The following AUTS2 variants were observed in gnomAD, a reference collection of about 807,000 sequenced individuals.
AUTS2 encodes autism susceptibility gene 2 protein.
Under a neutral mutation model 112.4 loss-of-function variants are expected in AUTS2, and 17 were observed. The ratio of observed to expected loss-of-function variants is 0.15; its 90% CI spans 0.10 to 0.23. AUTS2 has a LOEUF of 0.23. AUTS2 is among the 10% of genes least tolerant of loss of function. The pLI is 1.00. For synonymous variants in AUTS2, 751 were observed against 702.7 expected, an observed-to-expected ratio of 1.07 and a Z score of -1.09; for missense variants, 1,510 against 1,701.6, an observed-to-expected ratio of 0.89 and a Z score of 1.98.
chr7:70,301,012 T>C (rs932084425), intron 4 of AUTS2, among the ~76,000 whole-genome samples: 10 of 152,226 alleles, frequency 6.6e-5, no homozygotes, highest in African/African-American at 2.4e-4. Context: ...ACTTGCCCTC[T>C]AAGACCTTTT....
At chr7:70,462,332 A>G (rs1161903175) in intron 5 of AUTS2, among the ~76,000 whole-genome samples, 1 of 152,196 alleles carries the variant, frequency 6.6e-6, no homozygotes, top group African/African-American at 2.4e-5. Context: ...GAAAAAAGCA[A>G]TTAAAAAGAA....
At chr7:70,316,583 A>G (rs918367310) in intron 4 of AUTS2, among the ~76,000 whole-genome samples, 4 of 151,800 alleles carry the variant, frequency 2.6e-5, no homozygotes, top group Non-Finnish European at 5.9e-5. Context: ...TATTTTTAGT[A>G]GAGCTGAGTT....
At chr7:70,404,841 G>C (rs1794466523) in intron 4 of AUTS2, among the ~76,000 whole-genome samples, 1 of 152,146 alleles carries the variant, frequency 6.6e-6, no homozygotes, top group Admixed American at 6.6e-5. Flanking sequence ...ACAGAAATGG[G>C]TTTCATAAGC....
At chr7:70,617,696 T>A (rs941774107) in intron 5 of AUTS2, among the ~76,000 whole-genome samples, 20 of 151,690 alleles carry the variant, frequency 1.3e-4, no homozygotes, top group Admixed American at 4.6e-4. Flanking sequence ...GAGGGATTCC[T>A]AAGAAAGTGA....
At chr7:69,671,223 C>G (rs1193202288) in intron 1 of AUTS2, among the ~76,000 whole-genome samples, 3 of 152,114 alleles carry the variant, frequency 2.0e-5, no homozygotes, top group Non-Finnish European at 2.9e-5. Context: ...TAAAAGGATT[C>G]TGATGGAGAA....
At chr7:70,383,696 C>T (rs560973822) in intron 4 of AUTS2, among the ~76,000 whole-genome samples, 2 of 152,302 alleles carry the variant, frequency 1.3e-5, no homozygotes, top group African/African-American at 2.4e-5. Flanking sequence ...GGTGAAAAGC[C>T]TGCCTCTCTG....
intron 4 of AUTS2, among the ~76,000 whole-genome samples, chr7:70,242,513 T>C (rs1812671221): frequency 6.6e-6 from 1 of 152,352 alleles, no homozygotes; most frequent in Admixed American, 6.5e-5. Flanking sequence ...ACAAATTAAA[T>C]ATGAATACTC....
intron 4 of AUTS2, among the ~76,000 whole-genome samples, chr7:70,398,336 CTG>C (rs1794176348): frequency 6.6e-6 from 1 of 152,182 alleles, no homozygotes. Context: ...ATAGCTCACT[CTG>C]AGGAGAATTA....
chr7:70,208,465 CT>C (rs1219771191), intron 4 of AUTS2, among the ~76,000 whole-genome samples: 6 of 151,970 alleles, frequency 3.9e-5, no homozygotes, highest in Non-Finnish European at 4.4e-5. Flanking sequence ...GCATGTCATC[CT>C]TTGTGTGTTG....
At chr7:70,230,021 T>C (rs749761527) in intron 4 of AUTS2, among the ~76,000 whole-genome samples, 5 of 152,220 alleles carry the variant, frequency 3.3e-5, no homozygotes, top group Non-Finnish European at 5.9e-5. Context: ...AATGTGTTTA[T>C]AACAGCTGAT....
chr7:70,148,330 GA>G (rs1271935169), intron 4 of AUTS2, among the ~76,000 whole-genome samples: 2 of 151,920 alleles, frequency 1.3e-5, no homozygotes, highest in African/African-American at 2.4e-5. Context: ...AATAGCTTAA[GA>G]AAAAAGAGAG....
chr7:70,716,000 C>T (rs1325419347), intron 6 of AUTS2, among the ~76,000 whole-genome samples: 1 of 152,226 alleles, frequency 6.6e-6, no homozygotes, highest in African/African-American at 2.4e-5. Context: ...TCCTGAGAAT[C>T]TTAAGTGACT....
Position 70,085,206 on chromosome 7 carries a change from C to T in AUTS2, c.523-32926C>T, listed in dbSNP as rs142761551. On this transcript the variant is annotated intron_variant, in intron 2 of 18. Transcript: ENST00000342771. Reference sequence around the variant, plus strand: ...TTTTTATGGGTCATCCTTTTGGTGTCATATCTAAGAAATTATTTACATACC... The same window carrying T: ...TTTTTATGGGTCATCCTTTTGGTGTTATATCTAAGAAATTATTTACATACC... Among the ~76,000 whole-genome samples, 95 of 152,182 alleles carry T rather than the reference C, an allele frequency of 6.2e-4. 1 individual carries two copies. The highest frequency in any genetic ancestry group is 1.7e-3 in the Admixed American group (26 of 15,274).
At chr7:70,499,818 C>T (rs189537111) in intron 5 of AUTS2, among the ~76,000 whole-genome samples, 207 of 152,280 alleles carry the variant, frequency 1.4e-3, no homozygotes, top group African/African-American at 4.8e-3. Context: ...AGTCTGCAGG[C>T]TCCCAGATGT....
chr7:69,897,146 A>T lies in AUTS2; in HGVS notation c.310-2140A>T, dbSNP rs553400525. On this transcript the variant is annotated intron_variant, in intron 1 of 18. Coordinates refer to ENST00000342771, the MANE Select transcript of AUTS2 (RefSeq NM_015570.4). The stretch of plus-strand genomic sequence containing the variant: ...GTTGAATGAGTGAAGACCTGAGAAT[A>T]GAGTACTTTGTATTACAAGAAAGGT... 2.0e-5 allele frequency among the ~76,000 whole-genome samples: 3 copies of T among 152,308 alleles called. No individual in the cohort carries two copies. In the East Asian group the frequency reaches 5.8e-4, roughly 29 times the overall value.
chr7:70,073,262 G>A (rs981219621), intron 2 of AUTS2, among the ~76,000 whole-genome samples: 8 of 151,826 alleles, frequency 5.3e-5, no homozygotes, highest in African/African-American at 1.7e-4. Context: ...TGTAATCCCA[G>A]CACTTTGGGA....
chr7:69,847,161 T>C (rs1402296710), intron 1 of AUTS2, among the ~76,000 whole-genome samples: 1 of 152,212 alleles, frequency 6.6e-6, no homozygotes, highest in African/African-American at 2.4e-5. Context: ...CAAGCTGGCT[T>C]AATAGAACAT....
rs553719161 is a variant in AUTS2, at chr7:70,505,994, C to T, written c.690+70213C>T. Among the ~76,000 whole-genome samples the T allele has an allele frequency of 2.0e-5, 3 of 152,316 alleles. No individual in the cohort carries two copies. The East Asian group carries it at 5.8e-4, about 29-fold the overall frequency. On this transcript the variant is annotated intron_variant, in intron 5 of 18. Coordinates refer to ENST00000342771, the MANE Select transcript of AUTS2 (RefSeq NM_015570.4). ...GTAGAAGTCATGCTCCAAGACCAGG[C>T]GCTGGCCTTGAACGTGATGCCTCCT...
intron 5 of AUTS2, among the ~76,000 whole-genome samples, chr7:70,457,933 A>T (rs910472857): frequency 1.1e-4 from 17 of 152,280 alleles, no homozygotes; most frequent in African/African-American, 4.1e-4. Context: ...CACCCACTGG[A>T]CTTGTGTGTC....
Sources: gnomAD v4.1 joint callset for allele counts (sites outside exome capture counted in the v4.1 genomes callset) on GRCh38, gnomAD v4.1.1 for gene constraint, MANE v1.5 for transcripts, NCBI Gene and HGNC (gene_info 2026-07-23, HGNC 2026-07-21) for gene names.